FHIT: variants seen among roughly 807,000 people sequenced by gnomAD.
The protein encoded by FHIT is fragile histidine triad diadenosine triphosphatase, also known as bis(5'-adenosyl)-triphosphatase.
FHIT carries 19 observed loss-of-function variants against 17.9 expected under a neutral mutation model. The observed-to-expected ratio is 1.06, with a 90% CI of 0.74 to 1.56. The LOEUF (loss-of-function observed/expected upper bound fraction) is 1.56. FHIT is among the 40% of genes most tolerant of loss of function. The pLI is 0.00. For synonymous variants in FHIT, 81 were observed against 69.7 expected (o/e 1.16, Z -0.81); for missense variants, 248 against 189.2 (o/e 1.31, Z -1.82).
chr3:59,979,055 T>G (rs1433630603), intron 7 of FHIT, among the ~76,000 whole-genome samples: 1 of 152,096 alleles, frequency 6.6e-6, no homozygotes, highest in Admixed American at 6.6e-5. Flanking sequence ...TCTGTGAAAT[T>G]GTTAGGGTGC....
At chr3:60,600,835 T>C (rs909448585) in intron 4 of FHIT, among the ~76,000 whole-genome samples, 11 of 152,216 alleles carry the variant, frequency 7.2e-5, no homozygotes, top group Non-Finnish European at 1.0e-4. Flanking sequence ...ATAGATGTTC[T>C]TTTTATGAGA....
At chr3:60,570,371 C>A (rs559958864) in intron 4 of FHIT, among the ~76,000 whole-genome samples, 10 of 152,144 alleles carry the variant, frequency 6.6e-5, no homozygotes, top group African/African-American at 2.4e-4. Context: ...AATTTTTTTA[C>A]TCGTTGGTAA....
At chr3:60,563,051 C>A (rs528800824) in intron 4 of FHIT, among the ~76,000 whole-genome samples, 1 of 152,194 alleles carries the variant, frequency 6.6e-6, no homozygotes, top group East Asian at 1.9e-4. Context: ...AGTTTTTAGG[C>A]AAGGGAGAAG....
chr3:60,961,062 T>G (rs927146191), intron 3 of FHIT, among the ~76,000 whole-genome samples: 7 of 152,156 alleles, frequency 4.6e-5, no homozygotes, highest in Non-Finnish European at 8.8e-5. Flanking sequence ...GTGTAAAAGT[T>G]TTCCTATTAC....
intron 8 of FHIT, among the ~76,000 whole-genome samples, chr3:59,777,469 A>C (rs1702384386): frequency 2.6e-5 from 4 of 152,064 alleles, no homozygotes; most frequent in African/African-American, 7.2e-5. Context: ...CGAGCCAAAA[A>C]CCAGCAATTC....
At chr3:60,680,560 A>T (rs371300306) in intron 4 of FHIT, among the ~76,000 whole-genome samples, 26 of 145,856 alleles carry the variant, frequency 1.8e-4, no homozygotes, top group Admixed American at 4.8e-4. Context: ...TTCATCATCT[A>T]TTTTTTTTTT....
At chr3:60,372,773 C>T (rs1315669219) in intron 5 of FHIT, among the ~76,000 whole-genome samples, 4 of 152,140 alleles carry the variant, frequency 2.6e-5, no homozygotes, top group African/African-American at 7.2e-5. Flanking sequence ...CTCCTACTTT[C>T]TCACAGACTT....
At chr3:60,492,332 T>A (rs1437960990) in intron 5 of FHIT, among the ~76,000 whole-genome samples, 1 of 152,210 alleles carries the variant, frequency 6.6e-6, no homozygotes, top group East Asian at 1.9e-4. Flanking sequence ...TTTCTCACAT[T>A]TGAGCATTAG....
At chr3:59,866,316 T>C (rs1190946260) in intron 8 of FHIT, among the ~76,000 whole-genome samples, 1 of 151,596 alleles carries the variant, frequency 6.6e-6, no homozygotes, top group Non-Finnish European at 1.5e-5. Context: ...AAGCTTAACG[T>C]GTCCAAGAAT....
chr3:60,992,753 G>A (rs189367967), intron 3 of FHIT, among the ~76,000 whole-genome samples: 12 of 152,316 alleles, frequency 7.9e-5, no homozygotes, highest in Middle Eastern at 3.4e-3. Flanking sequence ...ATGAAAGTTC[G>A]AGGGGGCAGG....
At chr3:60,484,359 C>T (rs2033746218) in intron 5 of FHIT, among the ~76,000 whole-genome samples, 1 of 152,098 alleles carries the variant, frequency 6.6e-6, no homozygotes, top group African/African-American at 2.4e-5. Flanking sequence ...TCTGTATAGC[C>T]AAGACAATCC....
chr3:60,568,810 A>C (rs1327783676), intron 4 of FHIT, among the ~76,000 whole-genome samples: 1 of 152,046 alleles, frequency 6.6e-6, no homozygotes, highest in Non-Finnish European at 1.5e-5. Flanking sequence ...TTTTAACAGG[A>C]GCACATACTT....
At chr3:60,228,818 A>G (rs1704345126) in intron 5 of FHIT, among the ~76,000 whole-genome samples, 1 of 152,198 alleles carries the variant, frequency 6.6e-6, no homozygotes, top group Admixed American at 6.5e-5. Flanking sequence ...TGCAGAATGA[A>G]GGGGACTGGT....
At chr3:60,153,443 T>C (rs892081669) in intron 5 of FHIT, among the ~76,000 whole-genome samples, 7 of 151,912 alleles carry the variant, frequency 4.6e-5, no homozygotes, top group African/African-American at 1.7e-4. Context: ...GTTTGGTTTC[T>C]GTTAGCTTTG....
intron 5 of FHIT, among the ~76,000 whole-genome samples, chr3:60,339,721 C>G (rs114580307): frequency 1.3e-5 from 2 of 152,298 alleles, no homozygotes; most frequent in African/African-American, 4.8e-5. Flanking sequence ...CTGAAATTAA[C>G]TACATCGTGC....
intron 5 of FHIT, among the ~76,000 whole-genome samples, chr3:60,325,478 GT>G (rs1205625620): frequency 6.6e-6 from 1 of 152,022 alleles, no homozygotes; most frequent in African/African-American, 2.4e-5. Context: ...TTTTCAATTT[GT>G]TTTTTAGAAA....
At chr3:60,861,173 CTATGATATATATGATATATATCATA>C (rs1311768723) in intron 3 of FHIT, among the ~76,000 whole-genome samples, 3 of 1,190 alleles carry the variant, frequency 2.5e-3, no homozygotes, top group Non-Finnish European at 9.7e-3. Context: ...ATCATATGTT[CTATGATATATATGATATATATCATA>C]TATGATATAT....
chr3:60,052,763 T>C (rs971626383), intron 5 of FHIT, among the ~76,000 whole-genome samples: 1 of 148,230 alleles, frequency 6.7e-6, no homozygotes, highest in Admixed American at 6.8e-5. Flanking sequence ...ACATAGTGTA[T>C]ATAAATATAT....
At chr3:60,483,542 G>A (rs536665343) in intron 5 of FHIT, among the ~76,000 whole-genome samples, 16 of 152,214 alleles carry the variant, frequency 1.1e-4, no homozygotes, top group Admixed American at 6.5e-4. Flanking sequence ...CTCAATAAAC[G>A]TAATCTATCA....
Sources: gnomAD v4.1 joint callset for allele counts (sites outside exome capture counted in the v4.1 genomes callset) on GRCh38, gnomAD v4.1.1 for gene constraint, MANE v1.5 for transcripts, NCBI Gene and HGNC (gene_info 2026-07-23, HGNC 2026-07-21) for gene names.